The following EPHA6 variants were observed in gnomAD, a reference collection of about 807,000 sequenced individuals.
The protein encoded by EPHA6 is ephrin type-A receptor 6.
Under a neutral mutation model 112.0 loss-of-function variants are expected in EPHA6, and 50 were observed. The observed-to-expected ratio is 0.45, with a 90% CI of 0.36 to 0.56. The LOEUF (loss-of-function observed/expected upper bound fraction) is 0.56, where lower values mean the gene tolerates loss of function less well. Among genes scored for constraint, EPHA6 ranks in the 20% least tolerant of loss-of-function variants. The pLI is 0.00. For synonymous variants in EPHA6, 529 were observed against 490.7 expected, an observed-to-expected ratio of 1.08 and a Z score of -1.03; for missense variants, 1,280 against 1,417.4, an observed-to-expected ratio of 0.90 and a Z score of 1.56.
intron 13 of EPHA6, among the ~76,000 whole-genome samples, chr3:97,631,475 A>C (rs985573356): frequency 3.9e-5 from 6 of 152,052 alleles, no homozygotes; most frequent in African/African-American, 1.4e-4. Flanking sequence ...GCTTCCACTT[A>C]GCCTTCTTTT....
At chr3:97,580,385 G>T (rs769394331) in intron 11 of EPHA6, among the ~76,000 whole-genome samples, 2 of 152,174 alleles carry the variant, frequency 1.3e-5, no homozygotes, top group African/African-American at 2.4e-5. Context: ...ATAATCTAAT[G>T]ATACAGGGGT....
intron 3 of EPHA6, among the ~76,000 whole-genome samples, chr3:97,031,437 T>G (rs2044837163): frequency 6.6e-6 from 1 of 151,944 alleles, no homozygotes. Flanking sequence ...AAAGCCAAAA[T>G]TGACAAATGG....
intron 5 of EPHA6, among the ~76,000 whole-genome samples, chr3:97,393,748 C>T (rs2086548806): frequency 6.6e-6 from 1 of 151,802 alleles, no homozygotes; most frequent in South Asian, 2.1e-4. Context: ...CTACCCTCTT[C>T]AGACTCTGGT....
At chr3:97,316,789 C>T (rs2081862807) in intron 5 of EPHA6, among the ~76,000 whole-genome samples, 1 of 151,722 alleles carries the variant, frequency 6.6e-6, no homozygotes, top group Non-Finnish European at 1.5e-5. Context: ...ATTTCCCAAA[C>T]ATTTTGGGAA....
At chr3:97,207,937 G>A (rs1032165711) in intron 3 of EPHA6, among the ~76,000 whole-genome samples, 26 of 152,130 alleles carry the variant, frequency 1.7e-4, no homozygotes, top group Non-Finnish European at 3.2e-4. Context: ...CAGGCCAACA[G>A]CATTAATATA....
At chr3:97,641,926 G>C (rs1272008467) in intron 14 of EPHA6, among the ~76,000 whole-genome samples, 1 of 150,926 alleles carries the variant, frequency 6.6e-6, no homozygotes, top group East Asian at 2.0e-4. Flanking sequence ...CTCGAACTGG[G>C]TGGAGCCCAC....
In EPHA6 at chr3:96,891,409, C is replaced by A. The variant is rs141108093; in HGVS notation, c.450+24520C>A. 1.3e-4 allele frequency among the ~76,000 whole-genome samples: 20 copies of A among 152,196 alleles called. No homozygotes were observed. The East Asian group carries it at 3.9e-3, about 29-fold the overall frequency. The stretch of plus-strand genomic sequence containing the variant: ...AATTAATCTATAGTCTTTGAGGTCA[C>A]GATAAAGGTGACTGGAAGGGGCCAG... On this transcript the variant is annotated intron_variant, in intron 2 of 17. Coordinates refer to ENST00000389672, the MANE Select transcript of EPHA6 (RefSeq NM_001080448.3).
At chr3:97,143,290 C>T (rs2075956875) in intron 3 of EPHA6, among the ~76,000 whole-genome samples, 1 of 151,702 alleles carries the variant, frequency 6.6e-6, no homozygotes, top group African/African-American at 2.4e-5. Context: ...GGGATATATT[C>T]ATGTAACAAG....
At chr3:96,915,364 C>A (rs1437579311) in intron 2 of EPHA6, among the ~76,000 whole-genome samples, 1 of 152,000 alleles carries the variant, frequency 6.6e-6, no homozygotes, top group African/African-American at 2.4e-5. Context: ...CTAAAGTAAA[C>A]CATTGTTCCC....
intron 3 of EPHA6, among the ~76,000 whole-genome samples, chr3:96,990,494 A>T (rs1197301760): frequency 6.6e-6 from 1 of 152,214 alleles, no homozygotes; most frequent in Non-Finnish European, 1.5e-5. Context: ...TATGGCTTAC[A>T]AACCTCAAAA....
At chr3:97,276,132 C>T (rs1345791111) in intron 5 of EPHA6, among the ~76,000 whole-genome samples, 2 of 151,978 alleles carry the variant, frequency 1.3e-5, no homozygotes, top group Non-Finnish European at 2.9e-5. Context: ...AATTAGTAGC[C>T]TCTGTATTGA....
chr3:97,531,793 T>A (rs562952315), intron 10 of EPHA6, among the ~76,000 whole-genome samples: 1 of 152,242 alleles, frequency 6.6e-6, no homozygotes, highest in East Asian at 1.9e-4. Context: ...CTCATCTTCC[T>A]TATCTGCATT....
At chr3:97,114,621 T>A (rs2047826518) in intron 3 of EPHA6, among the ~76,000 whole-genome samples, 1 of 152,066 alleles carries the variant, frequency 6.6e-6, no homozygotes, top group Admixed American at 6.6e-5. Context: ...GAGCTTCCCA[T>A]TTAAGACATA....
intron 1 of EPHA6, among the ~76,000 whole-genome samples, chr3:96,852,613 A>C (rs904150286): frequency 1.6e-4 from 24 of 152,036 alleles, no homozygotes; most frequent in Non-Finnish European, 3.1e-4. Context: ...AAAAAAAAAA[A>C]AAAAAAAACT....
At chr3:96,956,217 A>G (rs1353968191) in intron 2 of EPHA6, among the ~76,000 whole-genome samples, 1 of 152,218 alleles carries the variant, frequency 6.6e-6, no homozygotes, top group Non-Finnish European at 1.5e-5. Context: ...AGAGATTGGT[A>G]ATTAAAAGAA....
At chr3:97,127,865 C>T (rs4857241) in intron 3 of EPHA6, among the ~76,000 whole-genome samples, 47,609 of 151,654 alleles carry the variant, frequency 0.31, 9,197 homozygotes, top group African/African-American at 0.54. Flanking sequence ...ATTCAATATT[C>T]TTTAGTTTTT....
At chr3:97,637,526 C>G (rs1488564373) in intron 13 of EPHA6, among the ~76,000 whole-genome samples, 1 of 152,026 alleles carries the variant, frequency 6.6e-6, no homozygotes, top group Non-Finnish European at 1.5e-5. Flanking sequence ...AAAGTGGATT[C>G]TATTTGTTTG....
intron 9 of EPHA6, among the ~76,000 whole-genome samples, chr3:97,483,437 T>G (rs547257038): frequency 1.3e-5 from 2 of 152,308 alleles, no homozygotes; most frequent in African/African-American, 4.8e-5. Context: ...CTTGTTTCTA[T>G]GCCATGAAGT....
At chr3:97,014,970 G>C (rs761765543) in intron 3 of EPHA6, among the ~76,000 whole-genome samples, 42 of 152,094 alleles carry the variant, frequency 2.8e-4, no homozygotes, top group Middle Eastern at 3.2e-3. Context: ...CTAGATAAAA[G>C]TGTTAATTCT....
Sources: gnomAD v4.1 joint callset for allele counts (sites outside exome capture counted in the v4.1 genomes callset) on GRCh38, gnomAD v4.1.1 for gene constraint, MANE v1.5 for transcripts, NCBI Gene and HGNC (gene_info 2026-07-23, HGNC 2026-07-21) for gene names.